ZFHX3: variants seen among roughly 807,000 people sequenced by gnomAD.
ZFHX3 encodes zinc finger homeobox protein 3.
A neutral mutation model predicts 279.1 loss-of-function variants in ZFHX3; 42 were observed. The ratio of observed to expected loss-of-function variants is 0.15; its 90% CI spans 0.12 to 0.19. The LOEUF (loss-of-function observed/expected upper bound fraction) is 0.19. Ranked by LOEUF, ZFHX3 falls within the 10% of genes least tolerant of loss-of-function variation. The pLI is 1.00. For missense variants in ZFHX3, 4,981 were observed against 4,754.0 expected (o/e 1.05, Z -1.40); for synonymous variants, 2,293 against 1,957.8 (o/e 1.17, Z -4.52).
chr16:73,634,433 A>AATATATATATATATATATAT (rs60477881), intron 2 of ZFHX3, among the ~76,000 whole-genome samples: 291 of 59,588 alleles, frequency 4.9e-3, no homozygotes, highest in African/African-American at 0.012. Context: ...TATTATGTAT[A>AATATATATATATATATATAT]ATATATATAT....
chr16:73,129,714 A>ATG (rs34767541), intron 7 of ZFHX3, among the ~76,000 whole-genome samples: 56,271 of 147,376 alleles, frequency 0.38, 11,343 homozygotes, highest in Middle Eastern at 0.5. Context: ...GTGCATGTGT[A>ATG]TGTGTGTGTG....
intron 7 of ZFHX3, among the ~76,000 whole-genome samples, chr16:72,811,126 C>A (rs183939225): frequency 2.6e-5 from 4 of 152,186 alleles, no homozygotes; most frequent in East Asian, 3.9e-4. Context: ...CTCAAGCAAT[C>A]CCCCCACCAC....
intron 1 of ZFHX3, among the ~76,000 whole-genome samples, chr16:73,808,769 T>G (rs1332565771): frequency 6.6e-6 from 1 of 151,878 alleles, no homozygotes; most frequent in African/African-American, 2.4e-5. Context: ...AGGAACAACT[T>G]AGAAGAGAAA....
intron 5 of ZFHX3, among the ~76,000 whole-genome samples, chr16:73,152,693 C>G (rs2144847338): frequency 6.9e-6 from 1 of 145,926 alleles, no homozygotes; most frequent in South Asian, 2.2e-4. Context: ...TTAGTGTTAA[C>G]CACATCTTGA....
intron 3 of ZFHX3, among the ~76,000 whole-genome samples, chr16:73,453,686 T>A (rs2018319922): frequency 6.6e-6 from 1 of 152,184 alleles, no homozygotes; most frequent in Non-Finnish European, 1.5e-5. Context: ...AAGACATAGC[T>A]GAGACTGTGC....
In ZFHX3 at chr16:73,885,332, A is replaced by C. The variant is rs180809630; in HGVS notation, c.-1608+6319T>G. Among the ~76,000 whole-genome samples the C allele has an allele frequency of 4.6e-5, 7 of 152,328 alleles. No individual in the cohort carries two copies. In the East Asian group the frequency reaches 1.3e-3, roughly 29 times the overall value. On this transcript the variant is annotated intron_variant, in intron 1 of 17. Transcript: ENST00000641206. Reference sequence around the variant, plus strand: ...TTATTTTTAAAAAACTTTTTATATGACATTCATGATTATAGCCCGATCTGG... The same window carrying C: ...TTATTTTTAAAAAACTTTTTATATGCCATTCATGATTATAGCCCGATCTGG...
At chr16:72,934,839 C>A (rs1008058901) in intron 3 of ZFHX3, among the ~76,000 whole-genome samples, 1 of 152,198 alleles carries the variant, frequency 6.6e-6, no homozygotes, top group Non-Finnish European at 1.5e-5. Flanking sequence ...AAACCACAAC[C>A]TCTGGGGGTC....
intron 1 of ZFHX3, among the ~76,000 whole-genome samples, chr16:73,729,628 A>G (rs145341380): frequency 1.8e-4 from 27 of 152,254 alleles, no homozygotes; most frequent in African/African-American, 5.8e-4. Context: ...AAGGTCTACT[A>G]TTGGGGAAAC....
intron 3 of ZFHX3, among the ~76,000 whole-genome samples, chr16:73,454,554 ACTCT>A: frequency 7.3e-6 from 1 of 137,916 alleles, no homozygotes. Flanking sequence ...CTGTTTCCTC[ACTCT>A]CACAGCCAAA....
intron 3 of ZFHX3, among the ~76,000 whole-genome samples, chr16:73,372,911 C>G (rs2016656773): frequency 6.6e-6 from 1 of 152,182 alleles, no homozygotes. Context: ...ATGCAGACAC[C>G]TTCACACACA....
intron 2 of ZFHX3, among the ~76,000 whole-genome samples, chr16:73,531,880 G>T (rs1484914906): frequency 1.3e-5 from 2 of 152,036 alleles, no homozygotes; most frequent in Admixed American, 6.6e-5. Context: ...CTTAAGACCA[G>T]GAGTTTGAGA....
chr16:73,307,207 A>G (rs1429420964), intron 4 of ZFHX3, among the ~76,000 whole-genome samples: 1 of 152,234 alleles, frequency 6.6e-6, no homozygotes, highest in East Asian at 1.9e-4. Flanking sequence ...GAGGCCAACC[A>G]TCGTACACAT....
At chr16:73,206,975 G>A (rs368091430) in intron 5 of ZFHX3, among the ~76,000 whole-genome samples, 7 of 151,532 alleles carry the variant, frequency 4.6e-5, no homozygotes, top group South Asian at 2.1e-4. Flanking sequence ...CTGAGATCAC[G>A]CCACTGCACT....
At chr16:72,907,545 TTGTGTGTGTGTGTGTGTG>T (rs547618913) in intron 3 of ZFHX3, among the ~76,000 whole-genome samples, 1,450 of 120,476 alleles carry the variant, frequency 0.012, 25 homozygotes, top group East Asian at 0.085. Context: ...TTTCCTCTAT[TTGTGTGTGTGTGTGTGTG>T]TGTGTGTGTG....
chr16:73,612,851 T>C lies in ZFHX3; in HGVS notation c.-1547+67329A>G, dbSNP rs182935952. ...TAAACGTGGCAAAATCATTTGCTTT[T>C]GATAGCTTTTGATATAATAGAAAAA... On this transcript the variant is annotated intron_variant, in intron 2 of 17. Coordinates refer to the ZFHX3 transcript ENST00000641206. 4.3e-4 allele frequency among the ~76,000 whole-genome samples: 65 copies of C among 152,288 alleles called. No individual in the cohort carries two copies. The East Asian group carries it at 5.6e-3, about 13-fold the overall frequency.
chr16:73,474,662 C>T (rs371060428), intron 2 of ZFHX3, among the ~76,000 whole-genome samples: 2 of 152,128 alleles, frequency 1.3e-5, no homozygotes, highest in South Asian at 4.2e-4. Context: ...TCCTCTGGGT[C>T]CCCTCCAGGT....
In ZFHX3 at chr16:72,796,586, C is replaced by T. The variant is rs1278157754; in HGVS notation, c.6096G>A (p.Leu2032=). ...YRDHYDKLYP[L]RPQTPEPPPP... is the part of the protein sequence containing the mutation. ...GTGGTGGCTCTGGGGTCTGGGGCCT[C>T]AGTGGGTACAGTTTATCGTAGTGGT... Residue 2032 remains leucine (L), a synonymous_variant, in exon 9 of 10, where the codon CTG becomes CTA. Transcript: ENST00000268489. 5.0e-6 allele frequency: 8 copies of T among 1,613,522 alleles called. No homozygotes were observed. Among genetic ancestry groups the T allele is most frequent in the African/African-American group, 2.7e-5 (2 of 74,776 alleles).
intron 1 of ZFHX3, among the ~76,000 whole-genome samples, chr16:73,798,693 G>A (rs1324775579): frequency 1.3e-5 from 2 of 152,164 alleles, no homozygotes; most frequent in African/African-American, 4.8e-5. Context: ...ATGACAGAAG[G>A]ACGTCAAGAC....
chr16:73,238,905 G>A (rs1237659636), intron 5 of ZFHX3, among the ~76,000 whole-genome samples: 1 of 152,186 alleles, frequency 6.6e-6, no homozygotes, highest in South Asian at 2.1e-4. Flanking sequence ...GACTGTTCCA[G>A]CAAGAAGCAT....
Sources: allele counts gnomAD v4.1 joint callset (sites outside exome capture counted in the v4.1 genomes callset), GRCh38; gene constraint gnomAD v4.1.1; transcripts MANE v1.5; gene names NCBI Gene and HGNC (gene_info 2026-07-23, HGNC 2026-07-21).